The following TCERG1L variants were observed in gnomAD, a reference collection of about 807,000 sequenced individuals.
TCERG1L encodes the protein transcription elongation regulator 1-like protein.
Under a neutral mutation model 56.3 loss-of-function variants are expected in TCERG1L, and 37 were observed. That is an observed-to-expected ratio of 0.66 (90% CI 0.51 to 0.87). The LOEUF is 0.87. Ranked by LOEUF, TCERG1L falls within the 40% of genes least tolerant of loss-of-function variation. The probability of loss-of-function intolerance (pLI) is 0.00; values close to 1 mark genes in which losing one functional copy is unlikely to be tolerated. For missense variants in TCERG1L, 799 were observed against 774.2 expected (o/e 1.03, Z -0.38); for synonymous variants, 324 against 326.3 (o/e 0.99, Z 0.08).
At chr10:131,204,827 C>T (rs918045292) in intron 4 of TCERG1L, among the ~76,000 whole-genome samples, 1 of 152,204 alleles carries the variant, frequency 6.6e-6, no homozygotes, top group African/African-American at 2.4e-5. Flanking sequence ...GAAGAGCCCA[C>T]CTCTCGGTTT....
intron 4 of TCERG1L, among the ~76,000 whole-genome samples, chr10:131,255,188 A>G (rs1346941475): frequency 2.0e-5 from 3 of 152,210 alleles, no homozygotes; most frequent in African/African-American, 7.2e-5. Context: ...AACATTCCCC[A>G]CTGGCAGAGG....
chr10:131,237,032 T>A (rs1845919967), intron 4 of TCERG1L, among the ~76,000 whole-genome samples: 1 of 151,848 alleles, frequency 6.6e-6, no homozygotes, highest in East Asian at 1.9e-4. Flanking sequence ...AGGAAAGTCC[T>A]AGGAATCCCT....
At chr10:131,136,403 C>T (rs894124412) in intron 7 of TCERG1L, among the ~76,000 whole-genome samples, 4 of 152,062 alleles carry the variant, frequency 2.6e-5, no homozygotes, top group Non-Finnish European at 4.4e-5. Flanking sequence ...GGGGTGAGCA[C>T]TTCTACGTCA....
At chr10:131,244,017 G>A (rs11595392) in intron 4 of TCERG1L, among the ~76,000 whole-genome samples, 9,126 of 152,270 alleles carry the variant, frequency 0.06, 343 homozygotes, top group Middle Eastern at 0.14. Flanking sequence ...AACAGACAAC[G>A]AAAACTATCT....
intron 4 of TCERG1L, among the ~76,000 whole-genome samples, chr10:131,214,994 G>A (rs1308221054): frequency 6.6e-6 from 1 of 152,176 alleles, no homozygotes; most frequent in Non-Finnish European, 1.5e-5. Flanking sequence ...TCACTCACAG[G>A]CGGAAACAGG....
chr10:131,243,488 C>T lies in TCERG1L; in HGVS notation c.856+16771G>A, dbSNP rs371826239. 1.4e-4 allele frequency among the ~76,000 whole-genome samples: 21 copies of T among 152,212 alleles called. 1 individual carries two copies. In the South Asian group the frequency reaches 3.9e-3, roughly 29 times the overall value. ...CCTGGCTATTTGGGTGGCTTGAACCCGGGAGGCAGAGGTTGCAGTGAGCCA... is the reference window on the plus strand; with the variant it reads ...CCTGGCTATTTGGGTGGCTTGAACCTGGGAGGCAGAGGTTGCAGTGAGCCA... On this transcript the variant is annotated intron_variant, in intron 4 of 11. Coordinates refer to ENST00000368642, the MANE Select transcript of TCERG1L (RefSeq NM_174937.4).
At chr10:131,102,052 A>G (rs1845309898) in intron 10 of TCERG1L, among the ~76,000 whole-genome samples, 1 of 152,192 alleles carries the variant, frequency 6.6e-6, no homozygotes, top group Non-Finnish European at 1.5e-5. Flanking sequence ...GTGAAATATG[A>G]CCAGTTATTA....
At chr10:131,159,469 G>C (rs1201664844) in intron 6 of TCERG1L, among the ~76,000 whole-genome samples, 1 of 152,078 alleles carries the variant, frequency 6.6e-6, no homozygotes, top group African/African-American at 2.4e-5. Context: ...GACATTCTCT[G>C]TCTGGGCAAA....
At position 131,110,846 on chromosome 10, in the gene TCERG1L, G is replaced by A. The variant is rs1245873989; in HGVS notation, c.1395+5953C>T. On this transcript the variant is annotated intron_variant, in intron 9 of 11. Transcript: ENST00000368642. ...GCTCGAGGATGGCTCAGCCACATGT[G>A]GGACGCCAAAGTCCTGGAGGTGCCC... Among the ~76,000 whole-genome samples the A allele has an allele frequency of 3.0e-5, 3 of 98,690 alleles. 1 individual carries two copies. Among genetic ancestry groups the A allele is most frequent in the African/African-American group, 8.9e-5 (3 of 33,850 alleles). 64.7% of individuals were successfully genotyped at this position (98,690 alleles called of 152,430 possible).
intron 4 of TCERG1L, among the ~76,000 whole-genome samples, chr10:131,256,609 A>G (rs980285251): frequency 6.6e-6 from 1 of 152,116 alleles, no homozygotes; most frequent in Non-Finnish European, 1.5e-5. Context: ...ACTTTGGCTG[A>G]GCACAGTGAC....
chr10:131,170,504 A>G (rs995106107), intron 4 of TCERG1L, among the ~76,000 whole-genome samples: 4 of 151,496 alleles, frequency 2.6e-5, no homozygotes, highest in African/African-American at 9.7e-5. Flanking sequence ...CCCAGCTCTG[A>G]GATGTGAAGT....
Position 131,104,322 on chromosome 10 carries a change from T to C in TCERG1L, c.1428A>G (p.Leu476=), listed in dbSNP as rs1845330166. ...AGCGTGGGTCAAACACGATTTTGTGTAATTCTTTCTCCCAGGTAGAAAATG... is the reference window on the plus strand; with the variant it reads ...AGCGTGGGTCAAACACGATTTTGTGCAATTCTTTCTCCCAGGTAGAAAATG... ...VSAFSTWEKE[L]HKIVFDPRYL... is the part of the protein sequence containing the mutation. The change falls in exon 10 of 12, where the codon TTA becomes TTG. Residue 476 remains leucine, a synonymous_variant. Transcript: ENST00000368642. The C allele has an allele frequency of 6.5e-7, 1 of 1,549,992 alleles. No individual in the cohort carries two copies. Among genetic ancestry groups the C allele is most frequent in the African/African-American group, 1.4e-5 (1 of 73,138 alleles).
intron 5 of TCERG1L, 54 bp from the exon 6 acceptor site, chr10:131,163,264 A>G: frequency 7.4e-7 from 1 of 1,356,630 alleles, no homozygotes. Flanking sequence ...ACTCATCTTC[A>G]ATTACAAGCA....
chr10:131,219,204 T>A (rs921092876), intron 4 of TCERG1L, among the ~76,000 whole-genome samples: 9 of 152,124 alleles, frequency 5.9e-5, no homozygotes, highest in African/African-American at 1.9e-4. Context: ...TGCCCCCAAC[T>A]TCCCCATGGG....
At chr10:131,148,954 G>A (rs1845833865) in intron 6 of TCERG1L, among the ~76,000 whole-genome samples, 1 of 152,226 alleles carries the variant, frequency 6.6e-6, no homozygotes, top group Non-Finnish European at 1.5e-5. Context: ...TGAACCCCAA[G>A]TGTTGTGCCT....
chr10:131,182,156 T>C (rs1360347067), intron 4 of TCERG1L, among the ~76,000 whole-genome samples: 1 of 152,232 alleles, frequency 6.6e-6, no homozygotes, highest in Non-Finnish European at 1.5e-5. Context: ...TGTGTGTGCA[T>C]GTGTATATCA....
intron 7 of TCERG1L, among the ~76,000 whole-genome samples, chr10:131,137,738 T>C (rs1845691814): frequency 6.6e-6 from 1 of 152,224 alleles, no homozygotes; most frequent in Non-Finnish European, 1.5e-5. Flanking sequence ...TTTGAATAGT[T>C]TCAACATGGG....
intron 4 of TCERG1L, among the ~76,000 whole-genome samples, chr10:131,223,092 C>T (rs1202459365): frequency 1.3e-5 from 2 of 152,296 alleles, no homozygotes; most frequent in Middle Eastern, 3.4e-3. Context: ...GACGAGATCC[C>T]AGAGGATGCC....
intron 4 of TCERG1L, among the ~76,000 whole-genome samples, chr10:131,256,160 A>G: frequency 6.6e-6 from 1 of 152,208 alleles, no homozygotes; most frequent in East Asian, 1.9e-4. Context: ...AGGAGGAGGA[A>G]ACAATTCCTG....
Sources: allele counts gnomAD v4.1 joint callset (sites outside exome capture counted in the v4.1 genomes callset), GRCh38; gene constraint gnomAD v4.1.1; transcripts MANE v1.5; gene names NCBI Gene and HGNC (gene_info 2026-07-23, HGNC 2026-07-21).